FXYD5: variants seen among roughly 807,000 people sequenced by gnomAD.
The protein encoded by FXYD5 is FXYD domain containing ion transport regulator 5.
In FXYD5, 21 loss-of-function variants were observed where a neutral mutation model predicts 25.7. The ratio of observed to expected loss-of-function variants is 0.82; its 90% CI spans 0.58 to 1.18. The LOEUF (loss-of-function observed/expected upper bound fraction) is 1.18. Among genes scored for constraint, FXYD5 ranks in the 50% most tolerant of loss-of-function variants. FXYD5 has a pLI of 0.00. For synonymous variants in FXYD5, 101 were observed against 90.7 expected, an observed-to-expected ratio of 1.11 and a Z score of -0.64; for missense variants, 229 against 227.7, an observed-to-expected ratio of 1.01 and a Z score of -0.04.
At chr19:35,158,844 C>T (rs1003580416) in intron 4 of FXYD5, among the ~76,000 whole-genome samples, 3 of 151,974 alleles carry the variant, frequency 2.0e-5, no homozygotes, top group Non-Finnish European at 2.9e-5. Flanking sequence ...AAAGTGCTCC[C>T]GGCCAGGCAC....
intron 5 of FXYD5, among the ~76,000 whole-genome samples, chr19:35,163,689 C>T (rs993558623): frequency 5.3e-5 from 8 of 152,006 alleles, no homozygotes; most frequent in African/African-American, 1.9e-4. Flanking sequence ...ACCATGTTGG[C>T]CAGACTGGTC....
intron 2 of FXYD5, among the ~76,000 whole-genome samples, chr19:35,156,324 C>A (rs767505247): frequency 1.3e-5 from 2 of 152,182 alleles, no homozygotes; most frequent in African/African-American, 2.4e-5. Flanking sequence ...TTCATATACT[C>A]GTTCAGTCAT....
chr19:35,164,230 A>C lies in FXYD5; in HGVS notation c.367A>C (p.Thr123Pro). ...CACAGACGTCCAGACAGACCCCCAG[A>C]CCCTCAAGCCATCTGGTTAGTAACT... ...PSTDVQTDPQ[T>P]LKPSGFHEDD... is the part of the protein sequence containing the mutation. The change falls in exon 6 of 9, where the codon ACC becomes CCC. Residue 123 changes from threonine to proline, a missense_variant. Thr to Pro is a conservative substitution (Grantham distance 38). Transcript: ENST00000392219. The C allele has an allele frequency of 6.2e-7, 1 of 1,612,220 alleles. No homozygotes were observed. Among genetic ancestry groups the C allele is most frequent in the Non-Finnish European group, 8.5e-7 (1 of 1,179,234 alleles).
At chr19:35,156,490 G>C (rs1395286460) in intron 2 of FXYD5, among the ~76,000 whole-genome samples, 1 of 152,198 alleles carries the variant, frequency 6.6e-6, no homozygotes, top group Non-Finnish European at 1.5e-5. Context: ...CAGAAAAGTA[G>C]AGGTAATGAG....
chr19:35,156,323 T>G (rs1465077957), intron 2 of FXYD5, among the ~76,000 whole-genome samples: 1 of 152,212 alleles, frequency 6.6e-6, no homozygotes, highest in Non-Finnish European at 1.5e-5. Flanking sequence ...TTTCATATAC[T>G]CGTTCAGTCA....
chr19:35,164,177 C>G lies in FXYD5; in HGVS notation c.314C>G (p.Thr105Arg), dbSNP rs770139102. 2 of 1,614,096 alleles carry G rather than the reference C, an allele frequency of 1.2e-6. No individual in the cohort carries two copies. Among genetic ancestry groups the G allele is most frequent in the East Asian group, 4.5e-5 (2 of 44,878 alleles). The change falls in exon 6 of 9, where the codon ACG becomes AGG. Residue 105 changes from threonine to arginine, a missense_variant. Physicochemically the swap from Thr to Arg is moderately conservative, Grantham distance 71 (BLOSUM62 -1). Coordinates refer to ENST00000392219, the MANE Select transcript of FXYD5 (RefSeq NM_014164.6). ...TKAAHPTDDT[T>R]TLSERPSPST... The stretch of plus-strand genomic sequence containing the variant: ...TCAGCTCATCCCACTGATGACACCA[C>G]GACGCTCTCTGAGAGACCATCCCCA...
At chr19:35,163,887 C>T (rs2065427258) in intron 5 of FXYD5, 7 of 984,034 alleles carry the variant, frequency 7.1e-6, no homozygotes, top group Non-Finnish European at 8.6e-6. Flanking sequence ...ATAGTGTGGG[C>T]CAGAAGGTCC....
chr19:35,165,676 C>G (rs969530659), intron 6 of FXYD5, among the ~76,000 whole-genome samples: 3 of 152,014 alleles, frequency 2.0e-5, no homozygotes, highest in Non-Finnish European at 4.4e-5. Flanking sequence ...TTACCCTATT[C>G]GAGATGGAGT....
At position 35,161,248 on chromosome 19, in the gene FXYD5, A is replaced by ACACACACACAC. The variant is rs61309039; in HGVS notation, c.292+447_292+448insCACACACACAC. Among the ~76,000 whole-genome samples the ACACACACACAC allele has an allele frequency of 6.3e-5, 9 of 142,952 alleles. 1 individual carries two copies. Among genetic ancestry groups the ACACACACACAC allele is most frequent in the Middle Eastern group, 6.9e-3 (2 of 290 alleles). 93.8% of individuals were successfully genotyped at this position (142,952 alleles called of 152,430 possible). A position where few individuals can be genotyped will look rare whatever the true frequency, so the allele number is the denominator to read the frequency against. On this transcript the variant is annotated intron_variant, in intron 5 of 8. Transcript: ENST00000392219. ...CACACACACACACACACACACACAC[A>ACACACACACAC]AAAGAATGATTGGCTATATAAGTTC...
intron 5 of FXYD5, among the ~76,000 whole-genome samples, chr19:35,161,437 TACGTGGTG>T (rs1209380633): frequency 6.6e-6 from 1 of 152,218 alleles, no homozygotes; most frequent in East Asian, 1.9e-4. Flanking sequence ...TTAGGTCACA[TACGTGGTG>T]GCTAGAGAAC....
intron 6 of FXYD5, among the ~76,000 whole-genome samples, chr19:35,165,426 G>GT (rs375293902): frequency 0.011 from 1,650 of 152,280 alleles, 35 homozygotes; most frequent in African/African-American, 0.038. Context: ...CATGGTGCTG[G>GT]TAGGAGTGCC....
At chr19:35,161,249 A>ACACAC (rs58296906) in intron 5 of FXYD5, among the ~76,000 whole-genome samples, 15 of 120,400 alleles carry the variant, frequency 1.2e-4, no homozygotes, top group African/African-American at 2.3e-4. Context: ...CACACACACA[A>ACACAC]AAGAATGATT....
In FXYD5 at chr19:35,165,875, G is replaced by A. The variant is rs372400233; in HGVS notation, c.383-267G>A. 1.4e-3 allele frequency among the ~76,000 whole-genome samples: 210 copies of A among 152,244 alleles called. 1 individual carries two copies. The highest frequency in any genetic ancestry group is 4.9e-3 in the African/African-American group (202 of 41,536). ...TAGGGAAAGTGTGTTCCAGGCAGAG[G>A]AAACAGCCAGTGCAAAGGCCCTGAG... is the stretch of plus-strand genomic sequence containing the variant. On this transcript the variant is annotated intron_variant, in intron 6 of 8. Transcript: ENST00000392219.
chr19:35,159,728 G>A (rs1398460617), intron 4 of FXYD5: 3 of 1,407,262 alleles, frequency 2.1e-6, no homozygotes, highest in African/African-American at 2.9e-5. Flanking sequence ...AACCCTAAGA[G>A]GCAGAAATTA....
intron 6 of FXYD5, 51 bp downstream of exon 6, chr19:35,164,296 G>T (rs1011777626): frequency 6.5e-7 from 1 of 1,548,860 alleles, no homozygotes; most frequent in South Asian, 1.2e-5. Flanking sequence ...TGTTCACTGT[G>T]TATTTCCAGC....
Position 35,160,715 on chromosome 19 carries a change from C to T in FXYD5, c.206C>T (p.Pro69Leu), listed in dbSNP as rs757061894. The T allele has an allele frequency of 5.6e-6, 9 of 1,611,930 alleles. No individual in the cohort carries two copies. The highest frequency in any genetic ancestry group is 5.9e-6 in the Non-Finnish European group (7 of 1,178,126). The change falls in exon 5 of 9, where the codon CCA (proline) becomes CTA (leucine). Residue 69 changes from proline to leucine, a missense_variant. Pro to Leu is a moderately conservative substitution (Grantham distance 98). Coordinates refer to ENST00000392219, the MANE Select transcript of FXYD5 (RefSeq NM_014164.6). ...GCTCTCCTGACCTGAATAGAAACAC[C>T]ACAACCCCAGACCCAGACCCAGCAA... is the stretch of plus-strand genomic sequence containing the variant. ...PTPTWPADET[P>L]QPQTQTQQLE...
In FXYD5 at chr19:35,169,765, C is replaced by G. The variant is rs1407467244; in HGVS notation, c.*150C>G. Reference sequence around the variant, plus strand: ...TGAAGCTGGAGCCAGGGCTGCCGGTCCGAGTCTCCTACCTCCCCCAACCCT... The same window carrying G: ...TGAAGCTGGAGCCAGGGCTGCCGGTGCGAGTCTCCTACCTCCCCCAACCCT... On this transcript the variant is annotated 3_prime_UTR_variant, in exon 9 of 9. Transcript: ENST00000392219. The G allele has an allele frequency of 1.6e-6, 1 of 644,450 alleles. No individual in the cohort carries two copies. The highest frequency in any genetic ancestry group is 2.4e-5 in the Admixed American group (1 of 41,844). 39.9% of individuals were successfully genotyped at this position (644,450 alleles called of 1,614,324 possible).
At chr19:35,164,692 C>T (rs78794409) in intron 6 of FXYD5, among the ~76,000 whole-genome samples, 5,612 of 152,200 alleles carry the variant, frequency 0.037, 139 homozygotes, top group East Asian at 0.069. Context: ...GGAAATGATA[C>T]GCCCATGGGT....
chr19:35,166,191 A>T lies in FXYD5; in HGVS notation c.412+20A>T, dbSNP rs1804472818. The stretch of plus-strand genomic sequence containing the variant: ...TCTATGGTAAGTTATCCACAGGAAG[A>T]TGTGGGGGAAGGAAAGGTGAGGTCC... On this transcript the variant is annotated intron_variant, in intron 7 of 8. Coordinates refer to ENST00000392219, the MANE Select transcript of FXYD5 (RefSeq NM_014164.6). 5 of 1,612,580 alleles carry T rather than the reference A, an allele frequency of 3.1e-6. No individual in the cohort carries two copies. In the South Asian group the frequency reaches 4.4e-5, roughly 14 times the overall value.
Sources: allele counts gnomAD v4.1 joint callset (sites outside exome capture counted in the v4.1 genomes callset), GRCh38; gene constraint gnomAD v4.1.1; transcripts MANE v1.5; gene names NCBI Gene and HGNC (gene_info 2026-07-23, HGNC 2026-07-21).